AKAP19: variants seen among roughly 807,000 people sequenced by gnomAD.
The protein encoded by AKAP19 is A-kinase anchoring protein 19, also known as small A-kinase anchoring protein.
At chr2:190,125,434 A>G in the AKAP19 span, among the ~76,000 whole-genome samples, 2 of 152,186 alleles carry the variant, frequency 1.3e-5, no homozygotes, top group African/African-American at 4.8e-5. Flanking sequence ...ATATAATCCA[A>G]TGAAACTGTT....
the AKAP19 span, among the ~76,000 whole-genome samples, chr2:190,107,188 C>T: frequency 6.6e-6 from 1 of 152,144 alleles, no homozygotes; most frequent in Non-Finnish European, 1.5e-5. Context: ...GTGGAAAGAA[C>T]CTTCAGAATG....
chr2:189,940,443 A>G, the AKAP19 span, among the ~76,000 whole-genome samples: 1 of 151,344 alleles, frequency 6.6e-6, no homozygotes, highest in Non-Finnish European at 1.5e-5. Flanking sequence ...GGAAAAAAAG[A>G]AAAGAAAATA....
the AKAP19 span, among the ~76,000 whole-genome samples, chr2:190,155,180 A>T: frequency 6.6e-6 from 1 of 152,134 alleles, no homozygotes; most frequent in African/African-American, 2.4e-5. Flanking sequence ...GCTACAACAG[A>T]GAGAGTAAGG....
At chr2:189,990,669 G>A in the AKAP19 span, among the ~76,000 whole-genome samples, 1 of 152,058 alleles carries the variant, frequency 6.6e-6, no homozygotes, top group African/African-American at 2.4e-5. Flanking sequence ...TTTTCTTAAA[G>A]AGCTTATGAA....
chr2:190,100,153 G>A, the AKAP19 span, among the ~76,000 whole-genome samples: 7 of 152,266 alleles, frequency 4.6e-5, no homozygotes, highest in African/African-American at 1.7e-4. Context: ...ACTTTGAAAT[G>A]GAGACTAAGG....
At chr2:190,039,988 A>G in the AKAP19 span, among the ~76,000 whole-genome samples, 1 of 152,188 alleles carries the variant, frequency 6.6e-6, no homozygotes, top group Non-Finnish European at 1.5e-5. Context: ...GAACATTTGC[A>G]TGCATGTATC....
the AKAP19 span, among the ~76,000 whole-genome samples, chr2:190,119,902 T>C: frequency 6.6e-6 from 1 of 152,240 alleles, no homozygotes; most frequent in Admixed American, 6.5e-5. Context: ...GGAGAAATAG[T>C]AGACTGAGGG....
the AKAP19 span, among the ~76,000 whole-genome samples, chr2:190,061,804 C>T: frequency 6.6e-6 from 1 of 150,942 alleles, no homozygotes; most frequent in Admixed American, 6.6e-5. Context: ...TAAGCTTAAA[C>T]ATCCAGCAAG....
At chr2:190,004,335 T>C in the AKAP19 span, among the ~76,000 whole-genome samples, 1 of 152,172 alleles carries the variant, frequency 6.6e-6, no homozygotes, top group Admixed American at 6.5e-5. Context: ...AGTGTGAGCA[T>C]ATGAAAATAT....
chr2:190,080,033 A>T, the AKAP19 span: 2 of 152,158 alleles, frequency 1.3e-5, no homozygotes, highest in Admixed American at 6.6e-5. Flanking sequence ...GGTAGGTGCT[A>T]GTGGCAACAT....
At chr2:190,172,983 T>TG in the AKAP19 span, among the ~76,000 whole-genome samples, 88 of 152,048 alleles carry the variant, frequency 5.8e-4, 2 homozygotes, top group South Asian at 0.017. Context: ...GGTGCAGTGG[T>TG]GGGCACCTGC....
At chr2:190,103,479 A>G in the AKAP19 span, among the ~76,000 whole-genome samples, 1 of 152,264 alleles carries the variant, frequency 6.6e-6, no homozygotes, top group South Asian at 2.1e-4. Context: ...CTGATAAATA[A>G]CTTCAGTAAA....
chr2:190,116,335 G>A, the AKAP19 span, among the ~76,000 whole-genome samples: 2 of 152,140 alleles, frequency 1.3e-5, no homozygotes, highest in South Asian at 2.1e-4. Context: ...AGAAAGCAAA[G>A]GGGCAAGAGA....
At chr2:190,052,118 C>T in the AKAP19 span, among the ~76,000 whole-genome samples, 2 of 152,064 alleles carry the variant, frequency 1.3e-5, no homozygotes, top group African/African-American at 2.4e-5. Flanking sequence ...GGATTACAGG[C>T]GTGATCTACT....
At chr2:190,113,117 GA>G in the AKAP19 span, among the ~76,000 whole-genome samples, 7 of 151,762 alleles carry the variant, frequency 4.6e-5, no homozygotes, top group African/African-American at 1.7e-4. Flanking sequence ...CATAATTTAA[GA>G]AAACCTGTAA....
chr2:190,160,471 T>C, the AKAP19 span, among the ~76,000 whole-genome samples: 3 of 152,218 alleles, frequency 2.0e-5, no homozygotes, highest in African/African-American at 7.2e-5. Context: ...GCATAGCTTA[T>C]CTGTGCTAAA....
At chr2:190,000,354 G>A in the AKAP19 span, among the ~76,000 whole-genome samples, 28 of 152,206 alleles carry the variant, frequency 1.8e-4, no homozygotes, top group Admixed American at 1.8e-3. Flanking sequence ...AGACAACCAG[G>A]TCAGCTATCT....
At chr2:190,098,614 A>T in the AKAP19 span, among the ~76,000 whole-genome samples, 10 of 152,298 alleles carry the variant, frequency 6.6e-5, no homozygotes, top group South Asian at 2.1e-3. Context: ...ATTGGCTTCA[A>T]CTTAAAGTCA....
the AKAP19 span, among the ~76,000 whole-genome samples, chr2:189,976,503 C>A: frequency 6.6e-6 from 1 of 152,236 alleles, no homozygotes. Context: ...CTCTTCAAAG[C>A]TGTCAGACAG....
Sources: allele counts gnomAD v4.1 joint callset (sites outside exome capture counted in the v4.1 genomes callset), GRCh38; gene constraint gnomAD v4.1.1; transcripts MANE v1.5; gene names NCBI Gene and HGNC (gene_info 2026-07-23, HGNC 2026-07-21).